Variants in NT5M observed in about 807,000 individuals in gnomAD.
NT5M encodes 5'(3')-deoxyribonucleotidase, mitochondrial.
Under a neutral mutation model 22.2 loss-of-function variants are expected in NT5M, and 22 were observed. That is an observed-to-expected ratio of 0.99 (90% CI 0.71 to 1.41). The LOEUF is 1.41. NT5M is among the 40% of genes most tolerant of loss of function. The probability of loss-of-function intolerance (pLI) is 0.00; values close to 1 mark genes in which losing one functional copy is unlikely to be tolerated. For missense variants in NT5M, 322 were observed against 314.8 expected, an observed-to-expected ratio of 1.02 and a Z score of -0.17; for synonymous variants, 167 against 133.0, an observed-to-expected ratio of 1.26 and a Z score of -1.76.
chr17:17,320,276 A>G (rs538844579), intron 2 of NT5M, among the ~76,000 whole-genome samples: 22 of 152,262 alleles, frequency 1.4e-4, no homozygotes, highest in Admixed American at 1.4e-3. Flanking sequence ...TGCTGGGTGG[A>G]AATGGCTTGG....
At chr17:17,311,457 A>G (rs971905860) in intron 2 of NT5M, among the ~76,000 whole-genome samples, 2 of 152,092 alleles carry the variant, frequency 1.3e-5, no homozygotes, top group African/African-American at 4.8e-5. Flanking sequence ...GCATGTAGAT[A>G]TCTTGTTGTC....
chr17:17,323,081 C>G, intron 2 of NT5M, 104 bp from the exon 3 acceptor site: 1 of 899,752 alleles, frequency 1.1e-6, no homozygotes, highest in Non-Finnish European at 1.9e-6. Flanking sequence ...GGGAAGGGTT[C>G]AGACTCAGAG....
At chr17:17,322,427 T>C (rs949281336) in intron 2 of NT5M, among the ~76,000 whole-genome samples, 2 of 152,052 alleles carry the variant, frequency 1.3e-5, no homozygotes, top group Non-Finnish European at 2.9e-5. Context: ...GCTGAGTCTT[T>C]AGGAGAGGGG....
chr17:17,304,641 A>G (rs969466262), intron 1 of NT5M, among the ~76,000 whole-genome samples: 1 of 152,168 alleles, frequency 6.6e-6, no homozygotes, highest in African/African-American at 2.4e-5. Flanking sequence ...TTTTTTAGCC[A>G]CAAGTTCACT....
At chr17:17,334,622 C>T (rs923394035) in intron 3 of NT5M, among the ~76,000 whole-genome samples, 4 of 151,382 alleles carry the variant, frequency 2.6e-5, no homozygotes, top group African/African-American at 7.3e-5. Context: ...ATTACAGGCA[C>T]GCGCCACCAC....
At chr17:17,315,032 A>G (rs2048995061) in intron 2 of NT5M, among the ~76,000 whole-genome samples, 1 of 152,134 alleles carries the variant, frequency 6.6e-6, no homozygotes, top group African/African-American at 2.4e-5. Flanking sequence ...TTCTGGCTCT[A>G]TTCTTAGTTC....
At chr17:17,342,417 C>G (rs191286016) in intron 3 of NT5M, among the ~76,000 whole-genome samples, 2 of 152,224 alleles carry the variant, frequency 1.3e-5, no homozygotes, top group East Asian at 3.9e-4. Flanking sequence ...AGAGTGGCGC[C>G]GGTCCGAGAT....
At chr17:17,338,834 C>T (rs996315335) in intron 3 of NT5M, among the ~76,000 whole-genome samples, 50 of 150,098 alleles carry the variant, frequency 3.3e-4, no homozygotes, top group African/African-American at 1.2e-3. Context: ...TCACACCGTT[C>T]TCCTGCCTCA....
At chr17:17,346,349 C>G (rs528484005) in intron 4 of NT5M, among the ~76,000 whole-genome samples, 16 of 152,360 alleles carry the variant, frequency 1.1e-4, no homozygotes, top group African/African-American at 3.8e-4. Context: ...GCTGCAGGGG[C>G]CTGTGATCAG....
At chr17:17,339,135 C>T (rs1276152412) in intron 3 of NT5M, among the ~76,000 whole-genome samples, 1 of 152,178 alleles carries the variant, frequency 6.6e-6, no homozygotes, top group Non-Finnish European at 1.5e-5. Context: ...GAATGAGTAT[C>T]TTTCCACTTT....
intron 1 of NT5M, among the ~76,000 whole-genome samples, chr17:17,304,144 A>G (rs1208179691): frequency 6.6e-6 from 1 of 152,222 alleles, no homozygotes; most frequent in African/African-American, 2.4e-5. Context: ...AATAAACGTT[A>G]TAAGTTGTCC....
At chr17:17,314,096 C>T (rs1357440729) in intron 2 of NT5M, among the ~76,000 whole-genome samples, 5 of 150,156 alleles carry the variant, frequency 3.3e-5, no homozygotes, top group African/African-American at 1.0e-4. Context: ...TGCAGTGGTG[C>T]GATCTCGGCT....
At chr17:17,329,533 A>C (rs1030193857) in intron 3 of NT5M, among the ~76,000 whole-genome samples, 1 of 152,126 alleles carries the variant, frequency 6.6e-6, no homozygotes, top group African/African-American at 2.4e-5. Context: ...TTACTCTGAG[A>C]TTTTCCAGTT....
intron 2 of NT5M, 67 bp downstream of exon 2, chr17:17,306,710 C>G (rs1226692188): frequency 9.4e-7 from 1 of 1,059,174 alleles, no homozygotes; most frequent in East Asian, 2.4e-5. Flanking sequence ...TACCTCCTTC[C>G]TGCTTCTTCC....
rs553713362 is a variant in NT5M, at chr17:17,346,550, C to G, written c.545-255C>G. ...AGGAGGCGGGGCACATGTCCCTTGCCAGTGCTGGTGGTGACAGTGACCCGC... is the reference window on the plus strand; with the variant it reads ...AGGAGGCGGGGCACATGTCCCTTGCGAGTGCTGGTGGTGACAGTGACCCGC... On this transcript the variant is annotated intron_variant, in intron 4 of 4. Transcript: ENST00000389022. Among the ~76,000 whole-genome samples the G allele has an allele frequency of 1.9e-4, 29 of 152,340 alleles. 1 individual carries two copies. The South Asian group carries it at 5.8e-3, about 30-fold the overall frequency.
intron 2 of NT5M, among the ~76,000 whole-genome samples, chr17:17,314,210 T>A (rs1344615489): frequency 6.6e-6 from 1 of 152,074 alleles, no homozygotes; most frequent in African/African-American, 2.4e-5. Context: ...ATTTTTTGTA[T>A]TTTTAGTAAA....
intron 2 of NT5M, among the ~76,000 whole-genome samples, chr17:17,309,465 G>A (rs9889738): frequency 0.77 from 116,925 of 152,170 alleles, 45,465 homozygotes; most frequent in Non-Finnish European, 0.83. Flanking sequence ...GGATAATTCT[G>A]TGTTTGACAT....
chr17:17,306,513 G>A, intron 1 of NT5M, 30 bp from the exon 2 acceptor site: 1 of 1,528,856 alleles, frequency 6.5e-7, no homozygotes, highest in Non-Finnish European at 9.1e-7. Context: ...TGAGGACCCT[G>A]GAAGTAACTT....
intron 3 of NT5M, among the ~76,000 whole-genome samples, chr17:17,325,105 C>T (rs551820707): frequency 3.3e-5 from 5 of 152,242 alleles, no homozygotes; most frequent in African/African-American, 7.2e-5. Flanking sequence ...CTGACGAGCC[C>T]GCCAGGTGAT....
Sources: allele counts gnomAD v4.1 joint callset (sites outside exome capture counted in the v4.1 genomes callset), GRCh38; gene constraint gnomAD v4.1.1; transcripts MANE v1.5; gene names NCBI Gene and HGNC (gene_info 2026-07-23, HGNC 2026-07-21).